Variants in CWC27 observed in about 807,000 individuals in gnomAD.
CWC27 encodes spliceosome-associated protein CWC27 homolog.
CWC27 carries 47 observed loss-of-function variants against 63.6 expected under a neutral mutation model. The observed-to-expected ratio is 0.74, with a 90% CI of 0.58 to 0.94. The LOEUF (loss-of-function observed/expected upper bound fraction) is 0.94. Among genes scored for constraint, CWC27 ranks in the 40% least tolerant of loss-of-function variants. CWC27 has a pLI of 0.00. For synonymous variants in CWC27, 175 were observed against 179.8 expected, an observed-to-expected ratio of 0.97 and a Z score of 0.22; for missense variants, 495 against 554.3, an observed-to-expected ratio of 0.89 and a Z score of 1.07.
At chr5:64,977,812 CA>C (rs147468273) in intron 13 of CWC27, among the ~76,000 whole-genome samples, 218 of 141,374 alleles carry the variant, frequency 1.5e-3, no homozygotes, top group Middle Eastern at 3.6e-3. Context: ...CCTATACTGG[CA>C]AAAAAAAAAA....
chr5:64,840,392 AAAAT>A (rs1745793254), intron 10 of CWC27, among the ~76,000 whole-genome samples: 2 of 21,900 alleles, frequency 9.1e-5, no homozygotes, highest in African/African-American at 3.7e-4. Flanking sequence ...AAAAAAAAAA[AAAAT>A]ATATATATAT....
intron 11 of CWC27, among the ~76,000 whole-genome samples, chr5:64,953,369 T>G (rs1256686874): frequency 6.6e-6 from 1 of 152,140 alleles, no homozygotes; most frequent in Admixed American, 6.5e-5. Context: ...TGAGACAGAC[T>G]CAAACCTTCA....
chr5:64,782,512 C>T (rs1239822916), intron 3 of CWC27, among the ~76,000 whole-genome samples: 1 of 140,838 alleles, frequency 7.1e-6, no homozygotes, highest in South Asian at 2.3e-4. Flanking sequence ...TAATCAAGAA[C>T]AGGTCAGTGA....
At chr5:64,927,586 C>T (rs1748143945) in intron 11 of CWC27, among the ~76,000 whole-genome samples, 2 of 152,158 alleles carry the variant, frequency 1.3e-5, no homozygotes, top group Admixed American at 1.3e-4. Flanking sequence ...ACCCACCCCA[C>T]TTTCCACATC....
chr5:64,840,386 AAAAAAAAAATATATATATATATATAT>A (rs1422437422), intron 10 of CWC27, among the ~76,000 whole-genome samples: 18 of 56,856 alleles, frequency 3.2e-4, no homozygotes, highest in East Asian at 8.5e-4. Flanking sequence ...AAAAAAAAAA[AAAAAAAAAATATATATATATATATAT>A]ATATATATAT....
Position 65,018,296 on chromosome 5 carries a change from TGA to T in CWC27, c.1401_1402del (p.Lys469ArgfsTer6). On this transcript the variant is annotated frameshift_variant, in exon 14 of 14. Transcript: ENST00000381070. LOFTEE classifies it high-confidence loss of function. ...AGGAGGGAAGAAAGCAAAAAGCTGA[TGA>T]GAGAGAAAAAAGAAAGAAGATAAAA... is the stretch of plus-strand genomic sequence containing the variant. 6.3e-7 allele frequency: 1 copy of T among 1,595,392 alleles called. No homozygotes were observed. The highest frequency in any genetic ancestry group is 8.5e-7 in the Non-Finnish European group (1 of 1,175,266).
rs539579911 is a variant in CWC27, at chr5:64,804,541, A to G, written c.938+155A>G. ...TACAAATTGGCCCATTAGCAGGCCT[A>G]AAATAAAATACACCAAGCTTAAAGT... On this transcript the variant is annotated intron_variant, in intron 10 of 13. Transcript: ENST00000381070. The G allele has an allele frequency of 4.5e-4, 284 of 635,578 alleles. 1 individual carries two copies. The African/African-American group carries it at 4.7e-3, about 10-fold the overall frequency. 39.4% of individuals were successfully genotyped at this position (635,578 alleles called of 1,614,324 possible).
At chr5:64,970,276 G>C (rs1749096605) in intron 11 of CWC27, among the ~76,000 whole-genome samples, 1 of 148,088 alleles carries the variant, frequency 6.8e-6, no homozygotes, top group Non-Finnish European at 1.5e-5. Context: ...GCAGTGGCGC[G>C]ATCTCGGCTC....
intron 11 of CWC27, among the ~76,000 whole-genome samples, chr5:64,898,527 G>GT (rs1466168515): frequency 6.6e-6 from 1 of 152,084 alleles, no homozygotes; most frequent in Non-Finnish European, 1.5e-5. Context: ...TTTGTCACTT[G>GT]TTTTTTCCCA....
chr5:64,769,521 T>G (rs2112130062), intron 1 of CWC27, among the ~76,000 whole-genome samples: 1 of 152,306 alleles, frequency 6.6e-6, no homozygotes, highest in South Asian at 2.1e-4. Context: ...CTAAGGTCAT[T>G]CATTCTCCAT....
At chr5:64,785,354 G>A (rs1298058539) in intron 4 of CWC27, 127 bp from the exon 5 acceptor site, 3 of 438,366 alleles carry the variant, frequency 6.8e-6, no homozygotes, top group Non-Finnish European at 1.2e-5. Flanking sequence ...ATTATTAAAT[G>A]CATATATTTT....
chr5:64,894,723 G>GAATAAGTA (rs1187666090), intron 11 of CWC27, among the ~76,000 whole-genome samples: 3 of 152,148 alleles, frequency 2.0e-5, no homozygotes, highest in Admixed American at 1.3e-4. Context: ...TTAAACCAGG[G>GAATAAGTA]AATAAGTAAA....
intron 11 of CWC27, among the ~76,000 whole-genome samples, chr5:64,888,391 T>TA (rs1261282726): frequency 2.1e-5 from 3 of 145,782 alleles, no homozygotes; most frequent in African/African-American, 5.0e-5. Flanking sequence ...TATAAATATA[T>TA]AAATAACATA....
chr5:64,844,518 C>G (rs1208967903), intron 10 of CWC27, among the ~76,000 whole-genome samples: 1 of 152,200 alleles, frequency 6.6e-6, no homozygotes, highest in Non-Finnish European at 1.5e-5. Flanking sequence ...CCCACTTCCT[C>G]CCATTTTGGA....
intron 11 of CWC27, among the ~76,000 whole-genome samples, chr5:64,943,786 T>C (rs1459256200): frequency 6.6e-6 from 1 of 152,122 alleles, no homozygotes; most frequent in Non-Finnish European, 1.5e-5. Flanking sequence ...AAGGAAAAAT[T>C]AGAAGCAAAA....
chr5:64,949,252 G>T (rs1262845774), intron 11 of CWC27, among the ~76,000 whole-genome samples: 8 of 151,898 alleles, frequency 5.3e-5, no homozygotes, highest in Non-Finnish European at 8.8e-5. Context: ...GTTAATGGGA[G>T]CTTAGTGTTT....
At chr5:64,835,579 G>A (rs1745639537) in intron 10 of CWC27, among the ~76,000 whole-genome samples, 1 of 151,808 alleles carries the variant, frequency 6.6e-6, no homozygotes, top group South Asian at 2.1e-4. Flanking sequence ...AGGTAATGTA[G>A]ATTCATTTCT....
intron 10 of CWC27, among the ~76,000 whole-genome samples, chr5:64,836,860 C>A (rs528830100): frequency 6.6e-6 from 1 of 152,034 alleles, no homozygotes; most frequent in South Asian, 2.1e-4. Flanking sequence ...ATGTGCCCAT[C>A]ATTGAGTGCT....
At chr5:64,877,628 A>G (rs971744247) in intron 10 of CWC27, among the ~76,000 whole-genome samples, 2 of 152,040 alleles carry the variant, frequency 1.3e-5, no homozygotes, top group Admixed American at 1.3e-4. Flanking sequence ...TGACTTTACC[A>G]TTACGTATTC....
Sources: gnomAD v4.1 joint callset for allele counts (sites outside exome capture counted in the v4.1 genomes callset) on GRCh38, gnomAD v4.1.1 for gene constraint, MANE v1.5 for transcripts, NCBI Gene and HGNC (gene_info 2026-07-23, HGNC 2026-07-21) for gene names.